PRRX2: variants seen among roughly 807,000 people sequenced by gnomAD.
PRRX2 encodes paired mesoderm homeobox protein 2.
Under a neutral mutation model 18.0 loss-of-function variants are expected in PRRX2, and 11 were observed. The observed-to-expected ratio is 0.61, with a 90% CI of 0.39 to 1.01. PRRX2 has a LOEUF of 1.01. PRRX2 is among the 50% of genes least tolerant of loss of function. The probability of loss-of-function intolerance (pLI) is 0.01; values close to 1 mark genes in which losing one functional copy is unlikely to be tolerated. For synonymous variants in PRRX2, 177 were observed against 154.8 expected (o/e 1.14, Z -1.06); for missense variants, 387 against 351.0 (o/e 1.10, Z -0.82).
At chr9:129,693,017 AGTG>A (rs1361272345) in intron 1 of PRRX2, among the ~76,000 whole-genome samples, 1 of 152,190 alleles carries the variant, frequency 6.6e-6, no homozygotes. Flanking sequence ...TCTCGCCAGC[AGTG>A]GATGAGAGTT....
intron 1 of PRRX2, among the ~76,000 whole-genome samples, chr9:129,704,024 ACTTTCCATGGAGCT>A (rs1176731842): frequency 6.6e-6 from 1 of 152,228 alleles, no homozygotes; most frequent in Non-Finnish European, 1.5e-5. Context: ...GAGAGAACTG[ACTTTCCATGGAGCT>A]GGTGCTTTAG....
intron 1 of PRRX2, among the ~76,000 whole-genome samples, chr9:129,673,652 CCACACACA>C (rs3054761): frequency 2.0e-5 from 3 of 149,320 alleles, no homozygotes; most frequent in Admixed American, 6.6e-5. Flanking sequence ...ACCCCCCATG[CCACACACA>C]CACACACACA....
At position 129,695,061 on chromosome 9, in the gene PRRX2, G is replaced by A. The variant is rs1235386669; in HGVS notation, c.260-24170G>A. Among the ~76,000 whole-genome samples the A allele has an allele frequency of 3.3e-5, 5 of 152,180 alleles. No individual in the cohort carries two copies. Among genetic ancestry groups the A allele is most frequent in the Admixed American group, 3.3e-4 (5 of 15,278 alleles). On this transcript the variant is annotated intron_variant, in intron 1 of 3. Transcript: ENST00000372469. This position sits in a 1 kb window ranked among gnomAD's most constrained non-coding sequence, Gnocchi z 4.8. ...TGGGGGCAGGGTCCCAGTACCCACT[G>A]ATTAATCTTTTGGGGTCACCTAGCA... is the stretch of plus-strand genomic sequence containing the variant.
At chr9:129,666,173 G>GCCGGGT (rs1318574447) in intron 1 of PRRX2, 47 bp downstream of exon 1, 2 of 995,904 alleles carry the variant, frequency 2.0e-6, no homozygotes, top group Non-Finnish European at 1.2e-6. Flanking sequence ...CGGGGCCGGG[G>GCCGGGT]CCGGGGCCGG....
Position 129,675,952 on chromosome 9 carries a change from A to AGCCCTCTAAT in PRRX2, c.259+9829_259+9838dup, listed in dbSNP as rs1383247138. On this transcript the variant is annotated intron_variant, in intron 1 of 3. Transcript: ENST00000372469. This position sits in a 1 kb window ranked among gnomAD's most constrained non-coding sequence, Gnocchi z 4.4. ...GTAACAGAAAACAGCTGTTAACAGC[A>AGCCCTCTAAT]GCCCTCTAATGCTCTCAAGATGGTG... Among the ~76,000 whole-genome samples, 1 of 152,216 alleles carries AGCCCTCTAAT rather than the reference A, an allele frequency of 6.6e-6. No individual in the cohort carries two copies. The highest frequency in any genetic ancestry group is 1.5e-5 in the Non-Finnish European group (1 of 68,040).
intron 1 of PRRX2, among the ~76,000 whole-genome samples, chr9:129,688,573 C>T (rs1832321662): frequency 6.6e-6 from 1 of 152,186 alleles, no homozygotes; most frequent in Non-Finnish European, 1.5e-5. Flanking sequence ...CACGTCAGGA[C>T]AAGGTCTCTT....
At chr9:129,688,301 C>T (rs933942787) in intron 1 of PRRX2, among the ~76,000 whole-genome samples, 2 of 152,096 alleles carry the variant, frequency 1.3e-5, no homozygotes, top group African/African-American at 2.4e-5. Context: ...TGGACTCAAG[C>T]GATCCTCCCA....
At position 129,709,756 on chromosome 9, in the gene PRRX2, G is replaced by A. The variant is rs796701169; in HGVS notation, c.260-9475G>A. Among the ~76,000 whole-genome samples the A allele has an allele frequency of 2.2e-4, 34 of 152,238 alleles. No homozygotes were observed. Among genetic ancestry groups the A allele is most frequent in the African/African-American group, 7.9e-4 (33 of 41,540 alleles). On this transcript the variant is annotated intron_variant, in intron 1 of 3. Transcript: ENST00000372469. The surrounding 1 kb of genome is among the most constrained non-coding windows in gnomAD (Gnocchi z 4.2). ...TTAAAAGTGTGGCAGGGCAGTGGCT[G>A]GTGGTGGCCGGCCTCCCCCAGCCTC... is the stretch of plus-strand genomic sequence containing the variant.
At chr9:129,696,686 G>C (rs1456342554) in intron 1 of PRRX2, among the ~76,000 whole-genome samples, 2 of 152,162 alleles carry the variant, frequency 1.3e-5, no homozygotes, top group Non-Finnish European at 2.9e-5. Flanking sequence ...CTGTCTTGCC[G>C]CCTTGCCAAG....
At chr9:129,708,927 A>C (rs373622314) in intron 1 of PRRX2, among the ~76,000 whole-genome samples, 68 of 152,246 alleles carry the variant, frequency 4.5e-4, no homozygotes, top group African/African-American at 1.6e-3. Context: ...TTAGAGTCAA[A>C]TGTGGGATAG....
intron 1 of PRRX2, among the ~76,000 whole-genome samples, chr9:129,684,441 C>CACACACAT (rs1832271780): frequency 6.8e-6 from 1 of 146,892 alleles, no homozygotes; most frequent in Non-Finnish European, 1.5e-5. Context: ...CACACACACA[C>CACACACAT]ACACACACAC....
intron 1 of PRRX2, among the ~76,000 whole-genome samples, chr9:129,700,856 C>T (rs1287821842): frequency 1.3e-5 from 2 of 151,432 alleles, no homozygotes; most frequent in Non-Finnish European, 1.5e-5. Flanking sequence ...TGGCCTGAAG[C>T]GATCCACCCG....
Position 129,665,998 on chromosome 9 carries a change from TG to T in PRRX2, c.133del (p.Asp45ThrfsTer151). On this transcript the variant is annotated frameshift_variant, in exon 1 of 4. Transcript: ENST00000372469. LOFTEE classifies it high-confidence loss of function. This position sits in a 1 kb window ranked among gnomAD's most constrained non-coding sequence, Gnocchi z 5.3. ...AAGAACTTCTCGGTGAGCCACCTCC[TG>T]GACCTGGAAGAGGTGGCGGCGGCCG... ...ARKNFSVSHL[L>X]DLEEVAAAGR... 1 of 1,103,882 alleles carries T rather than the reference TG, an allele frequency of 9.1e-7. No homozygotes were observed. Among genetic ancestry groups the T allele is most frequent in the Non-Finnish European group, 1.1e-6 (1 of 906,268 alleles). 68.4% of individuals were successfully genotyped at this position (1,103,882 alleles called of 1,614,324 possible). A position where few individuals can be genotyped will look rare whatever the true frequency, so the allele number is the denominator to read the frequency against.
chr9:129,720,492 C>A, intron 2 of PRRX2, 104 bp from the exon 3 acceptor site: 1 of 1,146,596 alleles, frequency 8.7e-7, no homozygotes, highest in Non-Finnish European at 1.2e-6. Context: ...AGAGAGGTGA[C>A]GCTGCCAGCC....
chr9:129,714,067 C>T (rs1262574228), intron 1 of PRRX2, among the ~76,000 whole-genome samples: 4 of 151,556 alleles, frequency 2.6e-5, no homozygotes, highest in South Asian at 2.1e-4. Context: ...TTTTGGGAGG[C>T]CAAGGCAGGT....
chr9:129,696,348 A>C (rs2130921567), intron 1 of PRRX2, among the ~76,000 whole-genome samples: 1 of 152,274 alleles, frequency 6.6e-6, no homozygotes, highest in South Asian at 2.1e-4. Flanking sequence ...GCTGAGGCGG[A>C]TGGATCGCTT....
chr9:129,693,699 CT>C (rs1832387324), intron 1 of PRRX2, among the ~76,000 whole-genome samples: 1 of 152,142 alleles, frequency 6.6e-6, no homozygotes, highest in Admixed American at 6.5e-5. Context: ...AATATTGTCC[CT>C]ATTGGAAATA....
At chr9:129,673,360 G>A (rs1192255885) in intron 1 of PRRX2, among the ~76,000 whole-genome samples, 1 of 152,148 alleles carries the variant, frequency 6.6e-6, no homozygotes, top group African/African-American at 2.4e-5. Flanking sequence ...GGGATGCTGA[G>A]ACAGGAGGAT....
intron 1 of PRRX2, among the ~76,000 whole-genome samples, chr9:129,688,304 T>A (rs1832319237): frequency 6.6e-6 from 1 of 152,150 alleles, no homozygotes; most frequent in South Asian, 2.1e-4. Flanking sequence ...ACTCAAGCGA[T>A]CCTCCCACCT....
Sources: allele counts gnomAD v4.1 joint callset (sites outside exome capture counted in the v4.1 genomes callset), GRCh38; gene constraint gnomAD v4.1.1; non-coding constraint Gnocchi (gnomAD v3.1); transcripts MANE v1.5; gene names NCBI Gene and HGNC (gene_info 2026-07-23, HGNC 2026-07-21).